COL21A1: variants seen among roughly 807,000 people sequenced by gnomAD.
The protein encoded by COL21A1 is collagen type XXI alpha 1 chain, also known as collagen alpha-1(XXI) chain.
In COL21A1, 149 loss-of-function variants were observed where a neutral mutation model predicts 137.9. The observed-to-expected ratio is 1.08, with a 90% confidence interval of 0.95 to 1.24. The LOEUF (loss-of-function observed/expected upper bound fraction) is 1.24. COL21A1 is among the 50% of genes most tolerant of loss of function. The pLI, the probability that COL21A1 is intolerant of heterozygous loss-of-function variation, is 0.00. For missense variants in COL21A1, 1,167 were observed against 1,158.4 expected (o/e 1.01, Z -0.11); for synonymous variants, 456 against 391.5 (o/e 1.16, Z -1.95).
At chr6:56,316,871 A>C (rs1279345739) in intron 1 of COL21A1, among the ~76,000 whole-genome samples, 2 of 152,182 alleles carry the variant, frequency 1.3e-5, no homozygotes, top group African/African-American at 4.8e-5. Context: ...AATTCTGAAC[A>C]GCAGGCTGGG....
intron 17 of COL21A1, among the ~76,000 whole-genome samples, chr6:56,089,614 A>G (rs1768599875): frequency 1.3e-5 from 2 of 152,224 alleles, no homozygotes; most frequent in African/African-American, 4.8e-5. Context: ...TTTACATGAC[A>G]TCAACCCATA....
chr6:56,321,481 C>T (rs1764866092), intron 1 of COL21A1, among the ~76,000 whole-genome samples: 5 of 152,140 alleles, frequency 3.3e-5, no homozygotes, highest in Admixed American at 3.3e-4. Context: ...GTGGGCATTT[C>T]TCACTTTATG....
chr6:56,234,994 T>C (rs547436708), intron 1 of COL21A1, among the ~76,000 whole-genome samples: 1 of 151,918 alleles, frequency 6.6e-6, no homozygotes, highest in Non-Finnish European at 1.5e-5. Flanking sequence ...TATTTCCTAC[T>C]TCTCCGCACC....
intron 10 of COL21A1, among the ~76,000 whole-genome samples, chr6:56,155,151 T>G (rs1038376849): frequency 6.6e-6 from 1 of 152,218 alleles, no homozygotes; most frequent in Non-Finnish European, 1.5e-5. Flanking sequence ...CTCCCAGTGA[T>G]AAGTGAGAAG....
chr6:56,259,802 A>G (rs976268137), intron 1 of COL21A1, among the ~76,000 whole-genome samples: 1 of 152,250 alleles, frequency 6.6e-6, no homozygotes, highest in African/African-American at 2.4e-5. Context: ...GACATACAAT[A>G]TTGCTGCTAC....
intron 5 of COL21A1, among the ~76,000 whole-genome samples, chr6:56,169,059 TAA>T (rs1490032358): frequency 2.0e-5 from 3 of 152,016 alleles, no homozygotes; most frequent in East Asian, 1.9e-4. Context: ...CCTCTAAACA[TAA>T]GTTTCTTTCT....
chr6:56,169,957 A>T (rs1262236864), intron 5 of COL21A1, among the ~76,000 whole-genome samples: 1 of 151,930 alleles, frequency 6.6e-6, no homozygotes, highest in East Asian at 1.9e-4. Context: ...TGCATACTTT[A>T]TATATATTAC....
At chr6:56,383,610 T>C (rs1396329964) in intron 1 of COL21A1, among the ~76,000 whole-genome samples, 1 of 152,170 alleles carries the variant, frequency 6.6e-6, no homozygotes, top group Non-Finnish European at 1.5e-5. Context: ...AGAAAAGGCC[T>C]GAAAACACAG....
intron 16 of COL21A1, among the ~76,000 whole-genome samples, chr6:56,120,118 G>T (rs1772337285): frequency 6.6e-6 from 1 of 152,042 alleles, no homozygotes; most frequent in Admixed American, 6.6e-5. Context: ...GATAGTCCAT[G>T]AAATTCAAGA....
chr6:56,310,832 GAACATATTATATA>G (rs151209479), intron 1 of COL21A1, among the ~76,000 whole-genome samples: 23,633 of 151,576 alleles, frequency 0.16, 1,990 homozygotes, highest in African/African-American at 0.22. Context: ...ATAATATTTA[GAACATATTATATA>G]AACATATATT....
intron 7 of COL21A1, among the ~76,000 whole-genome samples, chr6:56,165,817 AT>A (rs1582533356): frequency 1.3e-5 from 2 of 152,054 alleles, no homozygotes; most frequent in East Asian, 3.9e-4. Flanking sequence ...ATCACTGGGA[AT>A]TTACATTGTC....
intron 7 of COL21A1, among the ~76,000 whole-genome samples, chr6:56,165,931 C>T (rs1243578923): frequency 6.6e-6 from 1 of 151,872 alleles, no homozygotes; most frequent in African/African-American, 2.4e-5. Context: ...CACACACACA[C>T]ACACACACAC....
chr6:56,059,680 G>T (rs1253552279), intron 28 of COL21A1, among the ~76,000 whole-genome samples: 1 of 151,916 alleles, frequency 6.6e-6, no homozygotes, highest in African/African-American at 2.4e-5. Flanking sequence ...AATGAATAAG[G>T]TAACAGTGCA....
chr6:56,068,339 C>A (rs1241423238), intron 22 of COL21A1, among the ~76,000 whole-genome samples: 1 of 151,524 alleles, frequency 6.6e-6, no homozygotes, highest in Non-Finnish European at 1.5e-5. Flanking sequence ...GATAGATTTA[C>A]TTTTAACCTG....
rs556118040 is a variant in COL21A1, at chr6:56,242,384, C to T, written c.-39+5003G>A. 3.3e-5 allele frequency among the ~76,000 whole-genome samples: 5 copies of T among 152,230 alleles called. No homozygotes were observed. The East Asian group carries it at 9.7e-4, about 29-fold the overall frequency. On this transcript the variant is annotated intron_variant, in intron 1 of 29. Coordinates refer to ENST00000244728, the MANE Select transcript of COL21A1 (RefSeq NM_030820.4). ...AACTTTCTAAAAAGCTCAAACTTCG[C>T]TAGAACATTTTACTTTGAATTAAAA...
At chr6:56,157,520 A>G (rs1775851335) in intron 9 of COL21A1, among the ~76,000 whole-genome samples, 1 of 152,112 alleles carries the variant, frequency 6.6e-6, no homozygotes, top group Non-Finnish European at 1.5e-5. Context: ...CATGTTTGCC[A>G]GTCTGGTCTT....
chr6:56,175,767 G>A (rs1395724460), intron 3 of COL21A1, among the ~76,000 whole-genome samples: 1 of 152,070 alleles, frequency 6.6e-6, no homozygotes, highest in African/African-American at 2.4e-5. Context: ...TTTTATAGAA[G>A]TAGAAAAAGC....
chr6:56,383,918 C>T (rs960563471), intron 1 of COL21A1, among the ~76,000 whole-genome samples: 14 of 152,160 alleles, frequency 9.2e-5, no homozygotes, highest in African/African-American at 2.9e-4. Flanking sequence ...TCGAGGCTTT[C>T]ATCCATTTAT....
chr6:56,277,948 T>G (rs1156255558), intron 1 of COL21A1, among the ~76,000 whole-genome samples: 1 of 152,248 alleles, frequency 6.6e-6, no homozygotes, highest in Non-Finnish European at 1.5e-5. Flanking sequence ...CATATGTTTT[T>G]ATATAATTTT....
Sources: gnomAD v4.1 joint callset for allele counts (sites outside exome capture counted in the v4.1 genomes callset) on GRCh38, gnomAD v4.1.1 for gene constraint, MANE v1.5 for transcripts, NCBI Gene and HGNC (gene_info 2026-07-23, HGNC 2026-07-21) for gene names.